The following SMAD9 variants were observed in gnomAD, a reference collection of about 807,000 sequenced individuals.
SMAD9 encodes MAD homolog 9.
SMAD9 carries 36 observed loss-of-function variants against 46.1 expected under a neutral mutation model. The observed-to-expected ratio is 0.78, with a 90% CI of 0.60 to 1.03. The LOEUF is 1.03. Among genes scored for constraint, SMAD9 ranks in the 50% least tolerant of loss-of-function variants. The pLI, the probability that SMAD9 is intolerant of heterozygous loss-of-function variation, is 0.00. For synonymous variants in SMAD9, 245 were observed against 237.1 expected (o/e 1.03, Z -0.31); for missense variants, 572 against 599.8 (o/e 0.95, Z 0.48).
chr13:36,913,528 A>C (rs1395627867), intron 1 of SMAD9, among the ~76,000 whole-genome samples: 1 of 152,258 alleles, frequency 6.6e-6, no homozygotes, highest in African/African-American at 2.4e-5. Context: ...AACTTTAAAA[A>C]AATAAAGTGT....
chr13:36,868,570 T>A (rs980171115), intron 3 of SMAD9, among the ~76,000 whole-genome samples: 7 of 151,998 alleles, frequency 4.6e-5, no homozygotes, highest in African/African-American at 1.7e-4. Context: ...TGAGACCCCA[T>A]CCTACCAAAA....
rs1593558625 is a variant in SMAD9, at chr13:36,860,330, G to C, written c.1003+5207C>G. Among the ~76,000 whole-genome samples, 3 of 151,994 alleles carry C rather than the reference G, an allele frequency of 2.0e-5. 1 individual carries two copies. The highest frequency in any genetic ancestry group is 2.0e-4 in the Admixed American group (3 of 15,268). On this transcript the variant is annotated intron_variant, in intron 5 of 6. Transcript: ENST00000379826. The stretch of plus-strand genomic sequence containing the variant: ...AAAAAAGCCCAATTCCAAAAACAAT[G>C]CAATGATTTGGAATATGTGATAATT...
intron 5 of SMAD9, among the ~76,000 whole-genome samples, chr13:36,853,889 T>C (rs1337913295): frequency 6.6e-6 from 1 of 152,216 alleles, no homozygotes; most frequent in Non-Finnish European, 1.5e-5. Context: ...CTGGGTGCGG[T>C]GGCTCACGCC....
In SMAD9 at chr13:36,867,348, CTTCTGTGG is replaced by C. The variant is rs1161600841; in HGVS notation, c.698_705del (p.Ala233GlyfsTer3). 1 of 1,551,062 alleles carries C rather than the reference CTTCTGTGG, an allele frequency of 6.4e-7. No homozygotes were observed. The highest frequency in any genetic ancestry group is 2.4e-5 in the East Asian group (1 of 40,916). On this transcript the variant is annotated frameshift_variant, in exon 4 of 7. Transcript: ENST00000379826. LOFTEE classifies it high-confidence loss of function. ...GGTTGGCCACTCTGGGTCTCAGAGG[CTTCTGTGG>C]CATGATAAGGCAGGGGTGGTGTGTC...
At chr13:36,857,261 G>A (rs916581930) in intron 5 of SMAD9, among the ~76,000 whole-genome samples, 4 of 152,152 alleles carry the variant, frequency 2.6e-5, no homozygotes, top group African/African-American at 9.7e-5. Context: ...TTGTAATTTA[G>A]TAGCATTAGA....
intron 6 of SMAD9, chr13:36,852,194 A>T (rs1317378256): frequency 4.7e-6 from 4 of 843,586 alleles, no homozygotes; most frequent in African/African-American, 3.7e-5. Flanking sequence ...AATAATTACT[A>T]AAGTGATAAT....
intron 1 of SMAD9, among the ~76,000 whole-genome samples, chr13:36,908,991 T>C (rs2076031883): frequency 6.6e-6 from 1 of 152,252 alleles, no homozygotes. Context: ...TTATACTTAA[T>C]AAGCCACTTG....
At chr13:36,887,619 G>C (rs1268404999) in intron 1 of SMAD9, among the ~76,000 whole-genome samples, 1 of 152,166 alleles carries the variant, frequency 6.6e-6, no homozygotes, top group East Asian at 1.9e-4. Context: ...ACAGATGAGA[G>C]AGCTGGGAGA....
intron 1 of SMAD9, among the ~76,000 whole-genome samples, chr13:36,898,387 G>A (rs1372568669): frequency 6.6e-6 from 1 of 151,704 alleles, no homozygotes; most frequent in African/African-American, 2.4e-5. Flanking sequence ...GAATACAAAG[G>A]AGCAAACAGT....
rs144575170 is a variant in SMAD9, at chr13:36,879,339, A to G, written c.351T>C (p.Phe117=). The G allele has an allele frequency of 1.1e-5, 18 of 1,614,150 alleles. No homozygotes were observed. In the African/African-American group the frequency reaches 2.1e-4, roughly 19 times the overall value. The change falls in exon 2 of 7, where the codon TTT becomes TTC. Residue 117 remains phenylalanine (F), a synonymous_variant. Coordinates refer to ENST00000379826, the MANE Select transcript of SMAD9 (RefSeq NM_001127217.3). The part of the protein sequence containing the change: ...LKPLECCEFP[F]GSKQKEVCIN... ...TGCACACTTCTTTCTGCTTGGAGCCAAATGGGAACTCACAGCACTCCAGCG... is the reference window on the plus strand; with the variant it reads ...TGCACACTTCTTTCTGCTTGGAGCCGAATGGGAACTCACAGCACTCCAGCG...
intron 1 of SMAD9, among the ~76,000 whole-genome samples, chr13:36,907,270 CAGAGTT>C (rs1299913170): frequency 6.6e-6 from 1 of 151,690 alleles, no homozygotes; most frequent in Non-Finnish European, 1.5e-5. Flanking sequence ...TTAAATGGTA[CAGAGTT>C]TCAGTTTGGG....
chr13:36,892,644 G>C (rs182766156), intron 1 of SMAD9, among the ~76,000 whole-genome samples: 157 of 152,224 alleles, frequency 1.0e-3, no homozygotes, highest in Admixed American at 2.4e-3. Context: ...CATCAGGAAC[G>C]ACGGAGCTGT....
intron 1 of SMAD9, among the ~76,000 whole-genome samples, chr13:36,890,019 C>A (rs922267730): frequency 2.0e-5 from 3 of 152,116 alleles, no homozygotes; most frequent in Non-Finnish European, 4.4e-5. Flanking sequence ...ATTCAATTTA[C>A]AAAAATCTGA....
intron 6 of SMAD9, among the ~76,000 whole-genome samples, chr13:36,849,079 A>C (rs1393291844): frequency 6.6e-6 from 1 of 152,234 alleles, no homozygotes; most frequent in Non-Finnish European, 1.5e-5. Context: ...CTGGCACTCC[A>C]GTCACACGGG....
intron 1 of SMAD9, among the ~76,000 whole-genome samples, chr13:36,897,794 ATT>A (rs1044266495): frequency 6.7e-6 from 1 of 148,872 alleles, no homozygotes; most frequent in Non-Finnish European, 1.5e-5. Context: ...ACAAGGAGCT[ATT>A]TACCCAAAGT....
At chr13:36,851,869 T>C (rs2058077499) in intron 6 of SMAD9, 1 of 976,700 alleles carries the variant, frequency 1.0e-6, no homozygotes, top group Non-Finnish European at 1.2e-6. Flanking sequence ...ATCTAGTTAT[T>C]AGGAAAATCA....
At chr13:36,879,173 T>A in intron 2 of SMAD9, 105 bp downstream of exon 2, 1 of 1,051,638 alleles carries the variant, frequency 9.5e-7, no homozygotes, top group Non-Finnish European at 1.4e-6. Flanking sequence ...TCTCTCTCTC[T>A]CTTTTGGGAG....
At chr13:36,870,130 C>G (rs1353693989) in intron 3 of SMAD9, among the ~76,000 whole-genome samples, 1 of 152,154 alleles carries the variant, frequency 6.6e-6, no homozygotes, top group Admixed American at 6.5e-5. Context: ...GAGAAACTAA[C>G]CAGCTTCTGC....
intron 2 of SMAD9, among the ~76,000 whole-genome samples, chr13:36,878,162 T>C (rs1265641931): frequency 6.7e-6 from 1 of 149,932 alleles, no homozygotes; most frequent in African/African-American, 2.5e-5. Flanking sequence ...TACACACATA[T>C]ATATAATATA....
Sources: allele counts gnomAD v4.1 joint callset (sites outside exome capture counted in the v4.1 genomes callset), GRCh38; gene constraint gnomAD v4.1.1; transcripts MANE v1.5; gene names NCBI Gene and HGNC (gene_info 2026-07-23, HGNC 2026-07-21).